Variants in CBFB observed in about 807,000 individuals in gnomAD.
CBFB encodes CBF-beta.
CBFB carries 9 observed loss-of-function variants against 30.4 expected under a neutral mutation model. The ratio of observed to expected loss-of-function variants is 0.30; its 90% CI spans 0.18 to 0.52. The LOEUF is 0.52. Among genes scored for constraint, CBFB ranks in the 20% least tolerant of loss-of-function variants. The probability of loss-of-function intolerance (pLI) is 0.97; values close to 1 mark genes in which losing one functional copy is unlikely to be tolerated. For synonymous variants in CBFB, 94 were observed against 84.0 expected, an observed-to-expected ratio of 1.12 and a Z score of -0.65; for missense variants, 170 against 244.0, an observed-to-expected ratio of 0.70 and a Z score of 2.02.
chr16:67,045,401 C>T (rs1227489028), intron 3 of CBFB, among the ~76,000 whole-genome samples: 3 of 152,054 alleles, frequency 2.0e-5, no homozygotes, highest in Non-Finnish European at 4.4e-5. Flanking sequence ...CCTGTAATCC[C>T]AGCTACTTGG....
At chr16:67,067,903 A>G (rs1180569336) in intron 4 of CBFB, among the ~76,000 whole-genome samples, 2 of 152,240 alleles carry the variant, frequency 1.3e-5, no homozygotes, top group Non-Finnish European at 2.9e-5. Flanking sequence ...GACCCTACTA[A>G]GATTACACTC....
intron 4 of CBFB, among the ~76,000 whole-genome samples, chr16:67,072,227 A>T: frequency 6.6e-6 from 1 of 152,190 alleles, no homozygotes; most frequent in East Asian, 1.9e-4. Context: ...TGCTAGCCCT[A>T]GAAAAATTGT....
Position 67,098,990 on chromosome 16 carries a change from A to T in CBFB, c.*212A>T. The T allele has an allele frequency of 4.7e-6, 2 of 421,670 alleles. No homozygotes were observed. The highest frequency in any genetic ancestry group is 8.4e-6 in the Non-Finnish European group (2 of 238,972). 26.1% of individuals were successfully genotyped at this position (421,670 alleles called of 1,614,324 possible). A position where few individuals can be genotyped will look rare whatever the true frequency, so the allele number is the denominator to read the frequency against. On this transcript the variant is annotated 3_prime_UTR_variant, in exon 6 of 6. Transcript: ENST00000412916. The stretch of plus-strand genomic sequence containing the variant: ...CTAATTTTTTAAGCATGTAGCCAGT[A>T]ATAATTTGAAGTTTTTTTTCTATGC...
chr16:67,031,779 C>A (rs1966354848), intron 2 of CBFB, among the ~76,000 whole-genome samples: 1 of 151,720 alleles, frequency 6.6e-6, no homozygotes, highest in Admixed American at 6.6e-5. Context: ...TTCCAAAGTG[C>A]TGGGATTACA....
chr16:67,098,309 G>C (rs1007688526), intron 5 of CBFB, among the ~76,000 whole-genome samples: 4 of 151,996 alleles, frequency 2.6e-5, no homozygotes, highest in Non-Finnish European at 5.9e-5. Context: ...TAATTTTTTT[G>C]TATTTTTCAT....
At chr16:67,069,224 G>A (rs972264105) in intron 4 of CBFB, among the ~76,000 whole-genome samples, 6 of 151,572 alleles carry the variant, frequency 4.0e-5, no homozygotes, top group Non-Finnish European at 7.4e-5. Context: ...CAAAAAAAAC[G>A]CCGAGTGTTG....
intron 4 of CBFB, among the ~76,000 whole-genome samples, chr16:67,069,485 C>A (rs1359111538): frequency 6.6e-6 from 1 of 152,080 alleles, no homozygotes; most frequent in Non-Finnish European, 1.5e-5. Context: ...TCTTGGGGAC[C>A]TGTGGGACAC....
intron 3 of CBFB, among the ~76,000 whole-genome samples, chr16:67,056,830 T>C (rs1317239526): frequency 6.6e-6 from 1 of 152,122 alleles, no homozygotes; most frequent in East Asian, 1.9e-4. Flanking sequence ...TACAGGTGCG[T>C]GCCACCACAC....
intron 4 of CBFB, among the ~76,000 whole-genome samples, chr16:67,067,511 C>CT (rs1318417490): frequency 6.6e-6 from 1 of 152,164 alleles, no homozygotes; most frequent in African/African-American, 2.4e-5. Flanking sequence ...GAACAAAACT[C>CT]TGTCTCAAAA....
Position 67,091,942 on chromosome 16 carries a change from C to T in CBFB, c.496-6768C>T, listed in dbSNP as rs897816680. On this transcript the variant is annotated intron_variant, in intron 5 of 5. Transcript: ENST00000412916. ...AGGCTGGAGTGCAATTGCACGATCT[C>T]GGCTCACCACAACCTCCACCTCCCG... is the stretch of plus-strand genomic sequence containing the variant. 3.3e-5 allele frequency among the ~76,000 whole-genome samples: 5 copies of T among 152,168 alleles called. No homozygotes were observed. The South Asian group carries it at 6.2e-4, about 19-fold the overall frequency.
At chr16:67,059,696 T>C (rs1274802322) in intron 3 of CBFB, among the ~76,000 whole-genome samples, 1 of 152,194 alleles carries the variant, frequency 6.6e-6, no homozygotes, top group Non-Finnish European at 1.5e-5. Flanking sequence ...CTGGGGTTTT[T>C]TCTTCTACCC....
intron 3 of CBFB, among the ~76,000 whole-genome samples, chr16:67,058,183 C>T (rs1215445647): frequency 2.0e-5 from 3 of 151,948 alleles, no homozygotes; most frequent in Non-Finnish European, 4.4e-5. Context: ...CTCTGTCGCC[C>T]AGGCTGGAGT....
intron 3 of CBFB, among the ~76,000 whole-genome samples, chr16:67,065,239 A>T (rs1362589326): frequency 6.6e-6 from 1 of 152,224 alleles, no homozygotes; most frequent in Non-Finnish European, 1.5e-5. Context: ...GGTTCACCAG[A>T]TGAGAGATAC....
chr16:67,054,041 A>G (rs1960642548), intron 3 of CBFB, among the ~76,000 whole-genome samples: 2 of 151,924 alleles, frequency 1.3e-5, no homozygotes, highest in Admixed American at 1.3e-4. Flanking sequence ...CAGAATGTCC[A>G]TCTCTTCAAT....
rs199978686 is a variant in CBFB, at chr16:67,036,683, G to A, written c.210G>A (p.Pro70=). The change falls in exon 3 of 6, where the codon CCG becomes CCA. Residue 70 remains proline, a synonymous_variant. Coordinates refer to ENST00000412916, the MANE Select transcript of CBFB (RefSeq NM_022845.3). The part of the protein sequence containing the change: ...TGTNLSLQFF[P]ASWQGEQRQT... ...CCAATCTGTCTCTCCAGTTTTTTCC[G>A]GCCAGCTGGCAGGGAGAACAGCGAC... 9.3e-6 allele frequency: 15 copies of A among 1,613,668 alleles called. No homozygotes were observed. In the East Asian group the frequency reaches 2.0e-4, roughly 22 times the overall value.
intron 2 of CBFB, among the ~76,000 whole-genome samples, chr16:67,034,713 A>T (rs1423523765): frequency 6.6e-6 from 1 of 152,158 alleles, no homozygotes; most frequent in East Asian, 1.9e-4. Context: ...GGTACACTGG[A>T]GGTGGAAGGA....
At position 67,060,832 on chromosome 16, in the gene CBFB, G is replaced by A. The variant is rs117651299; in HGVS notation, c.283-5850G>A. ...GCCTCCCACAGTGCTGGAATTAACAGGCATGAGCCACTGCGCCAGCCAGCT... is the reference window on the plus strand; with the variant it reads ...GCCTCCCACAGTGCTGGAATTAACAAGCATGAGCCACTGCGCCAGCCAGCT... On this transcript the variant is annotated intron_variant, in intron 3 of 5. Transcript: ENST00000412916. 6.4e-3 allele frequency among the ~76,000 whole-genome samples: 973 copies of A among 152,314 alleles called. 3 individuals carry two copies. Among genetic ancestry groups the A allele is most frequent in the Non-Finnish European group, 0.011 (734 of 68,042 alleles).
intron 2 of CBFB, among the ~76,000 whole-genome samples, chr16:67,034,283 A>C (rs903304755): frequency 6.6e-6 from 1 of 152,228 alleles, no homozygotes; most frequent in Non-Finnish European, 1.5e-5. Context: ...GAATGGTAAA[A>C]AGTATGTTGG....
At chr16:67,053,132 T>G (rs574727972) in intron 3 of CBFB, among the ~76,000 whole-genome samples, 1 of 152,284 alleles carries the variant, frequency 6.6e-6, no homozygotes, top group Admixed American at 6.5e-5. Context: ...CTTTGTCATT[T>G]TATTTCCTGT....
Sources: allele counts gnomAD v4.1 joint callset (sites outside exome capture counted in the v4.1 genomes callset), GRCh38; gene constraint gnomAD v4.1.1; transcripts MANE v1.5; gene names NCBI Gene and HGNC (gene_info 2026-07-23, HGNC 2026-07-21).